Variants in NCKAP5 observed in about 807,000 individuals in gnomAD.
NCKAP5 encodes NCK associated protein 5.
In NCKAP5, 92 loss-of-function variants were observed where a neutral mutation model predicts 167.0. The observed-to-expected ratio is 0.55, with a 90% confidence interval of 0.47 to 0.66. NCKAP5 has a LOEUF of 0.66. Among genes scored for constraint, NCKAP5 ranks in the 30% least tolerant of loss-of-function variants. NCKAP5 has a pLI of 0.00. For synonymous variants in NCKAP5, 891 were observed against 877.4 expected, an observed-to-expected ratio of 1.02 and a Z score of -0.27; for missense variants, 2,378 against 2,315.0, an observed-to-expected ratio of 1.03 and a Z score of -0.56.
At chr2:133,647,364 G>A in the NCKAP5 span, among the ~76,000 whole-genome samples, 679 of 104,658 alleles carry the variant, frequency 6.5e-3, 27 homozygotes, top group African/African-American at 0.032. Context: ...AGAAAGGAAG[G>A]AAGGAAGAAA....
At chr2:133,617,256 C>G in the NCKAP5 span, among the ~76,000 whole-genome samples, 1 of 152,090 alleles carries the variant, frequency 6.6e-6, no homozygotes, top group African/African-American at 2.4e-5. Flanking sequence ...ACAGGGATGC[C>G]CTCTCTCTCC....
At chr2:133,175,934 C>T (rs1432592847) in intron 5 of NCKAP5, among the ~76,000 whole-genome samples, 1 of 152,206 alleles carries the variant, frequency 6.6e-6, no homozygotes, top group African/African-American at 2.4e-5. Flanking sequence ...TTAGCACCAT[C>T]TGAGTCTGTT....
chr2:132,847,637 G>A (rs996950748), intron 11 of NCKAP5, among the ~76,000 whole-genome samples: 9 of 152,120 alleles, frequency 5.9e-5, no homozygotes, highest in Admixed American at 3.9e-4. Context: ...CAAAAAGCTG[G>A]TCATGTAACT....
At chr2:133,106,877 T>C (rs1442767974) in intron 6 of NCKAP5, among the ~76,000 whole-genome samples, 2 of 152,162 alleles carry the variant, frequency 1.3e-5, no homozygotes, top group African/African-American at 4.8e-5. Flanking sequence ...AAGCTCCTTA[T>C]TTATCAGGCA....
the NCKAP5 span, among the ~76,000 whole-genome samples, chr2:133,597,982 C>G: frequency 1.3e-5 from 2 of 152,140 alleles, no homozygotes; most frequent in Non-Finnish European, 2.9e-5. Context: ...GTATGAATAC[C>G]CACCTGGGTA....
At chr2:133,061,024 A>G (rs1204241331) in intron 6 of NCKAP5, among the ~76,000 whole-genome samples, 1 of 152,126 alleles carries the variant, frequency 6.6e-6, no homozygotes, top group Non-Finnish European at 1.5e-5. Context: ...TAAAAAGAGA[A>G]AAAGCAAAAG....
At chr2:133,646,237 T>C in the NCKAP5 span, among the ~76,000 whole-genome samples, 3 of 151,900 alleles carry the variant, frequency 2.0e-5, no homozygotes, top group African/African-American at 7.2e-5. Context: ...ATGTAAACAA[T>C]TTAAAAATAA....
chr2:132,952,706 A>G (rs536584551), intron 8 of NCKAP5, among the ~76,000 whole-genome samples: 1 of 152,346 alleles, frequency 6.6e-6, no homozygotes, highest in East Asian at 1.9e-4. Context: ...GACAGGCCAC[A>G]AGAAAACGAG....
At chr2:133,576,680 C>T in the NCKAP5 span, among the ~76,000 whole-genome samples, 2 of 152,156 alleles carry the variant, frequency 1.3e-5, no homozygotes, top group Non-Finnish European at 1.5e-5. Flanking sequence ...CGCTGTTTGT[C>T]TGAGTGAGAG....
At chr2:133,620,704 A>G in the NCKAP5 span, among the ~76,000 whole-genome samples, 1 of 152,180 alleles carries the variant, frequency 6.6e-6, no homozygotes, top group Non-Finnish European at 1.5e-5. Flanking sequence ...ACAGCACGAG[A>G]CAGGTCATCA....
At position 132,783,842 on chromosome 2, in the gene NCKAP5, T is replaced by G; in HGVS notation, c.2969A>C (p.Glu990Ala). ...PVISSNPATT[E>A]VQRKKPSVAF... ...CACAGAAGGTTTCTTCCTCTGCACT[T>G]CTGTCGTGGCCGGATTAGAAGAAAT... is the stretch of plus-strand genomic sequence containing the variant. The change falls in exon 14 of 20, where the codon GAA (glutamate) becomes GCA (alanine). Residue 990 changes from glutamate to alanine, a missense_variant. Glu to Ala is a moderately radical substitution (Grantham distance 107). Around this residue, in one of 3 missense-constraint regions of NCKAP5, gnomAD observed 1,325 missense variants for 1,274.5 expected, o/e 1.04. Coordinates refer to ENST00000409261, the MANE Select transcript of NCKAP5 (RefSeq NM_207363.3). 6.5e-7 allele frequency: 1 copy of G among 1,532,116 alleles called. No homozygotes were observed. Among genetic ancestry groups the G allele is most frequent in the Non-Finnish European group, 8.8e-7 (1 of 1,141,254 alleles). The allele number at this position is 1,532,116 out of a possible 1,614,324, so 94.9% of individuals were successfully genotyped here. A position where few individuals can be genotyped will look rare whatever the true frequency, so the allele number is the denominator to read the frequency against.
At chr2:132,744,636 A>T (rs564109970) in intron 16 of NCKAP5, among the ~76,000 whole-genome samples, 1,736 of 69,094 alleles carry the variant, frequency 0.025, 30 homozygotes, top group African/African-American at 0.12. Flanking sequence ...TAAGAAAATT[A>T]AAAAAAAAAA....
chr2:133,555,491 T>C (rs948974594), intron 2 of NCKAP5, among the ~76,000 whole-genome samples: 2 of 152,254 alleles, frequency 1.3e-5, no homozygotes, highest in African/African-American at 4.8e-5. Flanking sequence ...ATGAAGCCCA[T>C]TCCAGCATTG....
chr2:133,357,387 A>G (rs1684813423), intron 3 of NCKAP5, among the ~76,000 whole-genome samples: 1 of 152,080 alleles, frequency 6.6e-6, no homozygotes, highest in African/African-American at 2.4e-5. Context: ...AATAGAATAA[A>G]TTCTTATGTG....
At chr2:133,067,206 G>T (rs541868227) in intron 6 of NCKAP5, among the ~76,000 whole-genome samples, 1 of 152,124 alleles carries the variant, frequency 6.6e-6, no homozygotes, top group African/African-American at 2.4e-5. Context: ...AAGGTCTTCA[G>T]GATGCAACAT....
At chr2:133,255,025 T>G (rs896671815) in intron 4 of NCKAP5, among the ~76,000 whole-genome samples, 1 of 151,980 alleles carries the variant, frequency 6.6e-6, no homozygotes. Context: ...GCAATTTGAC[T>G]ATGAAAAAAA....
At chr2:132,820,199 G>T (rs555932707) in intron 11 of NCKAP5, among the ~76,000 whole-genome samples, 1 of 151,808 alleles carries the variant, frequency 6.6e-6, no homozygotes, top group South Asian at 2.1e-4. Flanking sequence ...GGGATAGCAG[G>T]TATTTTTAGT....
At chr2:133,154,139 G>A (rs1173459181) in intron 5 of NCKAP5, among the ~76,000 whole-genome samples, 1 of 152,070 alleles carries the variant, frequency 6.6e-6, no homozygotes, top group Non-Finnish European at 1.5e-5. Flanking sequence ...ACCACTCCCG[G>A]CCAGTTCCTC....
chr2:133,218,387 C>T (rs756827483), intron 4 of NCKAP5, among the ~76,000 whole-genome samples: 3 of 152,132 alleles, frequency 2.0e-5, no homozygotes, highest in Non-Finnish European at 2.9e-5. Flanking sequence ...AGCATTTAAT[C>T]TGTTATGACA....
Sources: allele counts gnomAD v4.1 joint callset (sites outside exome capture counted in the v4.1 genomes callset), GRCh38; gene constraint gnomAD v4.1.1; regional missense constraint gnomAD v4.1.1; transcripts MANE v1.5; gene names NCBI Gene and HGNC (gene_info 2026-07-23, HGNC 2026-07-21).